Variants in CYP2C19 observed in about 807,000 individuals in gnomAD.
CYP2C19 encodes cytochrome P450 family 2 subfamily C member 19.
Under a neutral mutation model 40.9 loss-of-function variants are expected in CYP2C19, and 59 were observed. The observed-to-expected ratio is 1.44, with a 90% CI of 1.17 to 1.79. The LOEUF is 1.79. CYP2C19 is among the 40% of genes most tolerant of loss of function. The pLI, the probability that CYP2C19 is intolerant of heterozygous loss-of-function variation, is 0.00. For missense variants in CYP2C19, 754 were observed against 596.9 expected, an observed-to-expected ratio of 1.26 and a Z score of -2.74; for synonymous variants, 253 against 208.7, an observed-to-expected ratio of 1.21 and a Z score of -1.83.
At position 94,771,660 on chromosome 10, in the gene CYP2C19, C is replaced by T. The variant is rs552237335; in HGVS notation, c.169-3398C>T. On this transcript the variant is annotated intron_variant, in intron 1 of 8. Transcript: ENST00000371321. ...CTGTTGATGCCTGATTGTCTCTCAT[C>T]GGAAAGACAAAACTCTCCATGGTTT... 5.3e-5 allele frequency among the ~76,000 whole-genome samples: 8 copies of T among 152,142 alleles called. No homozygotes were observed. In the East Asian group the frequency reaches 7.8e-4, roughly 15 times the overall value.
chr10:94,782,970 G>C (rs1589350154), intron 5 of CYP2C19, among the ~76,000 whole-genome samples: 1 of 152,024 alleles, frequency 6.6e-6, no homozygotes. Flanking sequence ...GGGGTGGAGG[G>C]CTTGGGGAGG....
rs1003745075 is a variant in CYP2C19 at position 94,854,493 on chromosome 10, A to T, written c.*1579A>T. ...TATCTTATGTTAAATTATGTTCACC[A>T]CTCTTCCTGTCTTCTACTTGAAATG... On this transcript the variant is annotated 3_prime_UTR_variant, in exon 9 of 9. Transcript: ENST00000371321. Among the ~76,000 whole-genome samples the T allele has an allele frequency of 1.3e-5, 2 of 151,678 alleles. No homozygotes were observed. Among genetic ancestry groups the T allele is most frequent in the Admixed American group, 1.3e-4 (2 of 15,150 alleles).
At chr10:94,797,967 A>T (rs1263504151) in intron 5 of CYP2C19, among the ~76,000 whole-genome samples, 2 of 151,828 alleles carry the variant, frequency 1.3e-5, no homozygotes, top group African/African-American at 4.8e-5. Context: ...ATTTTTTTAA[A>T]GGGTTTTTTG....
intron 6 of CYP2C19, among the ~76,000 whole-genome samples, chr10:94,824,268 A>G (rs1264280278): frequency 1.3e-5 from 2 of 152,200 alleles, no homozygotes; most frequent in Non-Finnish European, 2.9e-5. Context: ...TAGTGTGTCT[A>G]TCTGAGGGTG....
intron 6 of CYP2C19, among the ~76,000 whole-genome samples, chr10:94,837,973 G>A (rs1242809763): frequency 1.3e-5 from 2 of 152,156 alleles, no homozygotes; most frequent in East Asian, 3.9e-4. Flanking sequence ...TGCACTGGAA[G>A]CAAGCCCTAT....
intron 6 of CYP2C19, among the ~76,000 whole-genome samples, chr10:94,829,934 C>T (rs189372705): frequency 2.0e-5 from 3 of 152,286 alleles, no homozygotes; most frequent in Non-Finnish European, 4.4e-5. Flanking sequence ...TCAGTGTGCC[C>T]CTGCTGGGGA....
intron 5 of CYP2C19, among the ~76,000 whole-genome samples, chr10:94,803,185 C>A (rs1481050349): frequency 6.6e-6 from 1 of 152,152 alleles, no homozygotes; most frequent in Non-Finnish European, 1.5e-5. Context: ...GGAGAGGCAA[C>A]CCCTTCTGAT....
chr10:94,844,781 G>T (rs982116930), intron 7 of CYP2C19, among the ~76,000 whole-genome samples: 1 of 152,126 alleles, frequency 6.6e-6, no homozygotes, highest in Non-Finnish European at 1.5e-5. Flanking sequence ...GAAGGCTTTC[G>T]CTTCTCAAAA....
intron 5 of CYP2C19, among the ~76,000 whole-genome samples, chr10:94,818,143 G>A (rs915779614): frequency 1.3e-5 from 2 of 149,202 alleles, no homozygotes; most frequent in African/African-American, 5.0e-5. Flanking sequence ...TTATTAAATA[G>A]GGAATCCTTT....
At chr10:94,809,825 T>C (rs959386331) in intron 5 of CYP2C19, among the ~76,000 whole-genome samples, 5 of 152,140 alleles carry the variant, frequency 3.3e-5, no homozygotes, top group African/African-American at 2.4e-5. Context: ...CAGATAGTCA[T>C]GTGGTTTTTC....
intron 6 of CYP2C19, among the ~76,000 whole-genome samples, chr10:94,836,193 A>T (rs993089045): frequency 6.6e-6 from 1 of 152,232 alleles, no homozygotes; most frequent in African/African-American, 2.4e-5. Context: ...TGAGTATGCC[A>T]TTCACATCAT....
chr10:94,816,243 T>A (rs1294203610), intron 5 of CYP2C19, among the ~76,000 whole-genome samples: 1 of 151,084 alleles, frequency 6.6e-6, no homozygotes, highest in Non-Finnish European at 1.5e-5. Context: ...ATTTTTTCTT[T>A]CTTTTTTTTT....
intron 8 of CYP2C19, 149 bp from the exon 9 acceptor site, chr10:94,852,584 T>C (rs1435389397): frequency 3.9e-6 from 3 of 776,740 alleles, no homozygotes; most frequent in African/African-American, 3.5e-5. Flanking sequence ...ATTCATGCAT[T>C]CACCCAACCA....
intron 6 of CYP2C19, among the ~76,000 whole-genome samples, chr10:94,841,526 G>T (rs1454744002): frequency 6.6e-6 from 1 of 152,132 alleles, no homozygotes; most frequent in Non-Finnish European, 1.5e-5. Flanking sequence ...CCCAAAGGGG[G>T]TTGCCCTTTG....
At chr10:94,805,358 C>G (rs1487381913) in intron 5 of CYP2C19, among the ~76,000 whole-genome samples, 1 of 151,986 alleles carries the variant, frequency 6.6e-6, no homozygotes, top group East Asian at 1.9e-4. Flanking sequence ...GGTTGACTTT[C>G]TTGTTGAACC....
At chr10:94,770,344 T>A (rs954171852) in intron 1 of CYP2C19, among the ~76,000 whole-genome samples, 1 of 152,134 alleles carries the variant, frequency 6.6e-6, no homozygotes, top group Non-Finnish European at 1.5e-5. Context: ...CAATCTTTTT[T>A]AAAAATGTCC....
chr10:94,766,034 G>A (rs762631664), intron 1 of CYP2C19, among the ~76,000 whole-genome samples: 12 of 152,142 alleles, frequency 7.9e-5, no homozygotes. Flanking sequence ...TCCTGTTAGG[G>A]TATTCTTGGT....
intron 6 of CYP2C19, among the ~76,000 whole-genome samples, chr10:94,829,466 A>G (rs1277440796): frequency 6.6e-6 from 1 of 152,250 alleles, no homozygotes; most frequent in South Asian, 2.1e-4. Flanking sequence ...AGACTTCTGC[A>G]TTCTTCACGT....
intron 5 of CYP2C19, among the ~76,000 whole-genome samples, chr10:94,820,267 A>T (rs1179315152): frequency 2.6e-5 from 4 of 151,998 alleles, no homozygotes; most frequent in African/African-American, 9.7e-5. Flanking sequence ...ATCTATGACA[A>T]ACCCACAGCC....
Sources: allele counts gnomAD v4.1 joint callset (sites outside exome capture counted in the v4.1 genomes callset), GRCh38; gene constraint gnomAD v4.1.1; transcripts MANE v1.5; gene names NCBI Gene and HGNC (gene_info 2026-07-23, HGNC 2026-07-21).